Variants in QKI observed in about 807,000 individuals in gnomAD.
QKI encodes the protein KH domain-containing RNA-binding protein QKI.
Under a neutral mutation model 39.0 loss-of-function variants are expected in QKI, and 10 were observed. The ratio of observed to expected loss-of-function variants is 0.26; its 90% CI spans 0.16 to 0.43. The LOEUF (loss-of-function observed/expected upper bound fraction) is 0.43, where lower values mean the gene tolerates loss of function less well. QKI is among the 20% of genes least tolerant of loss of function. The probability of loss-of-function intolerance (pLI) is 1.00; values close to 1 mark genes in which losing one functional copy is unlikely to be tolerated. For synonymous variants in QKI, 204 were observed against 155.4 expected, an observed-to-expected ratio of 1.31 and a Z score of -2.33; for missense variants, 218 against 428.0, an observed-to-expected ratio of 0.51 and a Z score of 4.33.
intron 3 of QKI, among the ~76,000 whole-genome samples, chr6:163,510,138 C>A (rs1251649284): frequency 2.0e-5 from 3 of 151,522 alleles, no homozygotes; most frequent in Non-Finnish European, 4.4e-5. Flanking sequence ...ATCGCTTGAA[C>A]CTGGGAGGTG....
chr6:163,526,316 TTGAG>T (rs1780515178), intron 3 of QKI, among the ~76,000 whole-genome samples: 1 of 152,192 alleles, frequency 6.6e-6, no homozygotes, highest in African/African-American at 2.4e-5. Context: ...AAATATTCAA[TTGAG>T]TATTTTAAAA....
At chr6:163,524,985 T>A (rs1196231979) in intron 3 of QKI, among the ~76,000 whole-genome samples, 1 of 152,166 alleles carries the variant, frequency 6.6e-6, no homozygotes, top group Non-Finnish European at 1.5e-5. Flanking sequence ...AATTCAAGCA[T>A]TTTGCCTAAC....
chr6:163,452,516 AC>A (rs1032358587), intron 1 of QKI, among the ~76,000 whole-genome samples: 2 of 152,074 alleles, frequency 1.3e-5, no homozygotes, highest in African/African-American at 2.4e-5. Context: ...GCCTTTGTTT[AC>A]CCCCACCAAG....
chr6:163,476,284 T>G (rs550111495), intron 2 of QKI, among the ~76,000 whole-genome samples: 3 of 152,096 alleles, frequency 2.0e-5, no homozygotes, highest in African/African-American at 4.8e-5. Flanking sequence ...AAAGTTTTTT[T>G]TTTTTTTTTT....
chr6:163,443,341 C>T (rs772981850), intron 1 of QKI, among the ~76,000 whole-genome samples: 2 of 152,162 alleles, frequency 1.3e-5, no homozygotes, highest in Admixed American at 6.5e-5. Context: ...GAGGCCAAGG[C>T]GGGTGGATTA....
chr6:163,548,007 A>T lies in QKI; in HGVS notation c.546+12882A>T, dbSNP rs995048909. ...TTGTTTCATGTCATTCCTCCTTTAC[A>T]CTTACACCCACACATATTAAATAAC... On this transcript the variant is annotated intron_variant, in intron 4 of 7. Coordinates refer to ENST00000361752, the MANE Select transcript of QKI (RefSeq NM_006775.3). 3.3e-5 allele frequency among the ~76,000 whole-genome samples: 5 copies of T among 152,208 alleles called. No homozygotes were observed. The East Asian group carries it at 7.7e-4, about 24-fold the overall frequency.
chr6:163,558,690 C>T (rs1782806647), intron 4 of QKI, among the ~76,000 whole-genome samples: 1 of 152,154 alleles, frequency 6.6e-6, no homozygotes, highest in Non-Finnish European at 1.5e-5. Context: ...TGAGCCACCA[C>T]ACCCGGCCAG....
At chr6:163,565,210 C>T (rs190218463) in intron 6 of QKI, 2 of 988,842 alleles carry the variant, frequency 2.0e-6, no homozygotes, top group Non-Finnish European at 2.4e-6. Context: ...AACCTGTAAC[C>T]TTGTTGTTTA....
chr6:163,487,307 C>G (rs562808799), intron 3 of QKI, among the ~76,000 whole-genome samples: 1 of 152,264 alleles, frequency 6.6e-6, no homozygotes, highest in East Asian at 1.9e-4. Context: ...GGAACTCTCT[C>G]ATTCCCCATT....
intron 1 of QKI, among the ~76,000 whole-genome samples, chr6:163,440,575 A>G (rs1401424266): frequency 6.6e-6 from 1 of 152,248 alleles, no homozygotes; most frequent in Non-Finnish European, 1.5e-5. Flanking sequence ...TAATATTGGC[A>G]TAACTTCCTT....
intron 3 of QKI, among the ~76,000 whole-genome samples, chr6:163,516,155 T>G (rs1779781310): frequency 6.6e-6 from 1 of 152,182 alleles, no homozygotes. Flanking sequence ...TGCAGGCAAT[T>G]TTTAGAAAAT....
At chr6:163,417,225 G>A (rs2128206030) in intron 1 of QKI, among the ~76,000 whole-genome samples, 1 of 152,114 alleles carries the variant, frequency 6.6e-6, no homozygotes, top group Admixed American at 6.6e-5. Flanking sequence ...TAAAGTTTTA[G>A]TAGTATTAGT....
At chr6:163,567,928 A>G in intron 7 of QKI, 2 of 985,452 alleles carry the variant, frequency 2.0e-6, no homozygotes, top group Non-Finnish European at 2.4e-6. Context: ...TGTTGTCCAC[A>G]TCAGAAATAA....
At chr6:163,469,602 A>G (rs1363340461) in intron 2 of QKI, among the ~76,000 whole-genome samples, 1 of 152,210 alleles carries the variant, frequency 6.6e-6, no homozygotes, top group Non-Finnish European at 1.5e-5. Flanking sequence ...TTGCCACATA[A>G]TAAGCCTTAA....
At chr6:163,551,060 T>A (rs1049192924) in intron 4 of QKI, among the ~76,000 whole-genome samples, 1 of 152,200 alleles carries the variant, frequency 6.6e-6, no homozygotes, top group Non-Finnish European at 1.5e-5. Context: ...TGATTCCATT[T>A]CTTATGAAAA....
rs1777695262 is a variant in QKI, at chr6:163,578,292, A to G, written c.*7582A>G. 1.3e-5 allele frequency: 2 copies of G among 152,242 alleles called. No homozygotes were observed. The highest frequency in any genetic ancestry group is 1.3e-4 in the Admixed American group (2 of 15,284). The allele number at this position is 152,242 out of a possible 1,614,324, so 9.4% of individuals were successfully genotyped here. ...GAAGAAAATATTTGCAAGTGAATCC[A>G]CAATTCTTGCAGAACTATTTGAGTT... On this transcript the variant is annotated 3_prime_UTR_variant, in exon 8 of 8. Coordinates refer to ENST00000361752, the MANE Select transcript of QKI (RefSeq NM_006775.3).
chr6:163,516,043 C>T (rs1779775096), intron 3 of QKI, among the ~76,000 whole-genome samples: 1 of 151,790 alleles, frequency 6.6e-6, no homozygotes, highest in Non-Finnish European at 1.5e-5. Context: ...AAGAGAATAC[C>T]TTTTGATGGG....
intron 4 of QKI, among the ~76,000 whole-genome samples, chr6:163,539,225 G>T (rs1041175284): frequency 6.6e-6 from 1 of 152,162 alleles, no homozygotes; most frequent in Non-Finnish European, 1.5e-5. Context: ...AGTCCTGGAA[G>T]TCATGCTTAG....
chr6:163,566,340 G>A, intron 6 of QKI: 1 of 1,194,102 alleles, frequency 8.4e-7, no homozygotes, highest in Non-Finnish European at 1.0e-6. Context: ...TGGTCTTAAG[G>A]TTAGCAAATA....
Sources: allele counts gnomAD v4.1 joint callset (sites outside exome capture counted in the v4.1 genomes callset), GRCh38; gene constraint gnomAD v4.1.1; transcripts MANE v1.5; gene names NCBI Gene and HGNC (gene_info 2026-07-23, HGNC 2026-07-21).